DEUP1: variants seen among roughly 807,000 people sequenced by gnomAD.
The protein encoded by DEUP1 is deuterosome assembly protein 1.
DEUP1 carries 82 observed loss-of-function variants against 87.4 expected under a neutral mutation model. The ratio of observed to expected loss-of-function variants is 0.94; its 90% CI spans 0.78 to 1.13. The LOEUF (loss-of-function observed/expected upper bound fraction) is 1.13, where lower values mean the gene tolerates loss of function less well. Among genes scored for constraint, DEUP1 ranks in the 50% most tolerant of loss-of-function variants. The probability of loss-of-function intolerance (pLI) is 0.00; values close to 1 mark genes in which losing one functional copy is unlikely to be tolerated. For missense variants in DEUP1, 663 were observed against 681.5 expected (o/e 0.97, Z 0.30); for synonymous variants, 214 against 222.7 (o/e 0.96, Z 0.35).
At chr11:93,338,005 C>G (rs1430179496) in intron 2 of DEUP1, among the ~76,000 whole-genome samples, 1 of 152,090 alleles carries the variant, frequency 6.6e-6, no homozygotes, top group Non-Finnish European at 1.5e-5. Context: ...TTGTATGGCA[C>G]CTTGGAACCA....
In DEUP1 at chr11:93,389,029, A is replaced by C. The variant is rs373776334; in HGVS notation, c.945A>C (p.Ser315=). ...NAQGNKTRLE[S]SYLPSIKEPE... is the part of the protein sequence containing the mutation. ...TATGTTTAATTTGTAGACTTGAATC[A>C]TCTTATTTGCCTTCTATTAAAGAAC... Residue 315 remains serine (S), a synonymous_variant, in exon 9 of 14, where the codon TCA becomes TCC. Coordinates refer to ENST00000298050, the MANE Select transcript of DEUP1 (RefSeq NM_181645.4). 1.8e-4 allele frequency: 284 copies of C among 1,535,702 alleles called. 1 individual carries two copies. In the African/African-American group the frequency reaches 3.3e-3, roughly 18 times the overall value.
intron 4 of DEUP1, among the ~76,000 whole-genome samples, chr11:93,359,653 A>G (rs1945067553): frequency 6.6e-6 from 1 of 152,190 alleles, no homozygotes; most frequent in African/African-American, 2.4e-5. Flanking sequence ...AGCCCCAAGG[A>G]AAGTCTGCTC....
intron 7 of DEUP1, among the ~76,000 whole-genome samples, chr11:93,380,428 A>T (rs7942233): frequency 0.35 from 53,810 of 151,704 alleles, 10,401 homozygotes; most frequent in African/African-American, 0.49. Context: ...TGAGACGGAG[A>T]CTGGCTCTGT....
intron 11 of DEUP1, among the ~76,000 whole-genome samples, chr11:93,399,225 AAAG>A (rs1270455840): frequency 1.3e-5 from 2 of 151,456 alleles, no homozygotes; most frequent in African/African-American, 4.8e-5. Flanking sequence ...GTTTTTTTTC[AAAG>A]ATTATTATAT....
intron 5 of DEUP1, 69 bp downstream of exon 5, chr11:93,364,363 C>T: frequency 7.4e-7 from 1 of 1,351,822 alleles, no homozygotes; most frequent in Non-Finnish European, 1.0e-6. Flanking sequence ...GGCTATTTGT[C>T]TCTAGTGTCC....
intron 2 of DEUP1, among the ~76,000 whole-genome samples, chr11:93,349,529 C>T (rs1054371074): frequency 6.6e-6 from 1 of 151,794 alleles, no homozygotes; most frequent in Non-Finnish European, 1.5e-5. Flanking sequence ...CTGATTAGAC[C>T]ATACCTGTGG....
chr11:93,352,875 G>A (rs1944695102), intron 2 of DEUP1, among the ~76,000 whole-genome samples: 2 of 152,228 alleles, frequency 1.3e-5, no homozygotes, highest in Admixed American at 1.3e-4. Context: ...CAACACATGG[G>A]AATTCTGGGA....
chr11:93,388,962 C>G (rs72972364), intron 8 of DEUP1, 58 bp from the exon 9 acceptor site: 1 of 931,992 alleles, frequency 1.1e-6, no homozygotes, highest in Admixed American at 2.6e-5. Context: ...ACAATATAAT[C>G]GTTACAATTT....
At chr11:93,373,603 ATT>A (rs1491362732) in intron 7 of DEUP1, among the ~76,000 whole-genome samples, 5 of 108,716 alleles carry the variant, frequency 4.6e-5, no homozygotes, top group East Asian at 3.1e-4. Context: ...ACGTATATAT[ATT>A]TATATATGTA....
At chr11:93,436,446 T>C (rs952546707) in intron 13 of DEUP1, among the ~76,000 whole-genome samples, 31 of 152,298 alleles carry the variant, frequency 2.0e-4, no homozygotes, top group African/African-American at 7.2e-4. Context: ...TTATTAGATA[T>C]TAAAAAGAAT....
intron 13 of DEUP1, among the ~76,000 whole-genome samples, chr11:93,420,451 A>T (rs1422437717): frequency 1.3e-5 from 2 of 152,138 alleles, no homozygotes; most frequent in African/African-American, 4.8e-5. Context: ...CCCATAGCCA[A>T]TATCATACTG....
intron 9 of DEUP1, among the ~76,000 whole-genome samples, chr11:93,393,087 C>CTTTT (rs1228305437): frequency 2.1e-4 from 20 of 94,552 alleles, no homozygotes; most frequent in East Asian, 7.0e-4. Flanking sequence ...CTTCCTCCTT[C>CTTTT]TTTTTTTTTT....
intron 7 of DEUP1, among the ~76,000 whole-genome samples, chr11:93,371,951 C>T (rs1401040205): frequency 6.3e-5 from 9 of 143,012 alleles, no homozygotes; most frequent in African/African-American, 2.1e-4. Flanking sequence ...TTTTTTGAGA[C>T]GGAGTCTCGC....
rs188667156 is a variant in DEUP1, at chr11:93,355,859, A to G, written c.201+317A>G. 1.6e-4 allele frequency among the ~76,000 whole-genome samples: 24 copies of G among 152,376 alleles called. No homozygotes were observed. The East Asian group carries it at 4.6e-3, about 29-fold the overall frequency. Reference sequence around the variant, plus strand: ...TAAGTACTCTTGCTGCTGCAGAAACAAAGAAGTAGTCATCAAAACTGTGGA... The same window carrying G: ...TAAGTACTCTTGCTGCTGCAGAAACGAAGAAGTAGTCATCAAAACTGTGGA... On this transcript the variant is annotated intron_variant, in intron 3 of 13. Coordinates refer to ENST00000298050, the MANE Select transcript of DEUP1 (RefSeq NM_181645.4).
intron 13 of DEUP1, among the ~76,000 whole-genome samples, chr11:93,437,225 T>C (rs141668570): frequency 6.6e-6 from 1 of 152,360 alleles, no homozygotes; most frequent in Non-Finnish European, 1.5e-5. Context: ...ATGAAAATCA[T>C]TGGCTTTGCA....
chr11:93,404,691 G>A (rs1947216807), intron 11 of DEUP1, among the ~76,000 whole-genome samples: 1 of 151,962 alleles, frequency 6.6e-6, no homozygotes, highest in Non-Finnish European at 1.5e-5. Context: ...AAGTAAATGA[G>A]CACCAGGAGG....
intron 13 of DEUP1, among the ~76,000 whole-genome samples, chr11:93,437,236 A>C (rs1323290748): frequency 6.6e-6 from 1 of 152,200 alleles, no homozygotes; most frequent in Non-Finnish European, 1.5e-5. Context: ...TGGCTTTGCA[A>C]ATGATTGCAG....
In DEUP1 at chr11:93,332,206, C is replaced by T. The variant is rs1258522494; in HGVS notation, c.-44-10C>T. 7 of 1,522,438 alleles carry T rather than the reference C, an allele frequency of 4.6e-6. No homozygotes were observed. Among genetic ancestry groups the T allele is most frequent in the African/African-American group, 1.4e-5 (1 of 72,884 alleles). The allele number at this position is 1,522,438 out of a possible 1,614,324, so 94.3% of individuals were successfully genotyped here. On this transcript the variant is annotated splice_polypyrimidine_tract_variant and intron_variant, in intron 1 of 13. Transcript: ENST00000298050. ...CATTTTAGGAACTTGTATCATTTTC[C>T]TCCTAACAGATTAAAAATCAAGAAA... is the stretch of plus-strand genomic sequence containing the variant.
At chr11:93,396,985 T>C (rs1408353386) in intron 11 of DEUP1, among the ~76,000 whole-genome samples, 4 of 151,870 alleles carry the variant, frequency 2.6e-5, no homozygotes, top group Non-Finnish European at 5.9e-5. Context: ...AGAAAATTGA[T>C]TTTATATGAG....
Sources: allele counts gnomAD v4.1 joint callset (sites outside exome capture counted in the v4.1 genomes callset), GRCh38; gene constraint gnomAD v4.1.1; transcripts MANE v1.5; gene names NCBI Gene and HGNC (gene_info 2026-07-23, HGNC 2026-07-21).